The following STK3 variants were observed in gnomAD, a reference collection of about 807,000 sequenced individuals.
The protein encoded by STK3 is serine/threonine kinase 3.
In STK3, 41 loss-of-function variants were observed where a neutral mutation model predicts 58.0. The ratio of observed to expected loss-of-function variants is 0.71; its 90% confidence interval spans 0.55 to 0.92. The LOEUF (loss-of-function observed/expected upper bound fraction) is 0.92. Among genes scored for constraint, STK3 ranks in the 40% least tolerant of loss-of-function variants. STK3 has a pLI of 0.00. For missense variants in STK3, 479 were observed against 602.7 expected (o/e 0.79, Z 2.15); for synonymous variants, 170 against 191.0 (o/e 0.89, Z 0.91).
intron 3 of STK3, among the ~76,000 whole-genome samples, chr8:98,419,056 CT>C (rs1445877704): frequency 2.0e-5 from 3 of 152,242 alleles, no homozygotes; most frequent in African/African-American, 4.8e-5. Flanking sequence ...AGTCTGGCTT[CT>C]GGCCCCAGGA....
chr8:98,485,175 A>AGGTTGCAGT (rs1822151838), intron 10 of STK3, among the ~76,000 whole-genome samples: 1 of 152,048 alleles, frequency 6.6e-6, no homozygotes, highest in Admixed American at 6.6e-5. Flanking sequence ...CAGGAGGCAG[A>AGGTTGCAGT]GGTTGCAGTG....
exon 2 of STK3, chr8:98,379,204 G>C (rs1191371484): frequency 6.6e-6 from 1 of 152,154 alleles, no homozygotes; most frequent in Non-Finnish European, 1.5e-5. Context: ...TGGCTGAAAA[G>C]CTCCTGCAAG....
intron 10 of STK3, among the ~76,000 whole-genome samples, chr8:98,497,560 G>C (rs1036789092): frequency 2.2e-4 from 33 of 152,170 alleles, no homozygotes; most frequent in African/African-American, 7.5e-4. Context: ...TAAGGAACTT[G>C]TATGTAGAGT....
rs186744004 is a variant in STK3, at chr8:98,457,960, C to T, written c.1318-1960G>A. 3.5e-4 allele frequency among the ~76,000 whole-genome samples: 53 copies of T among 152,092 alleles called. 1 individual carries two copies. Among genetic ancestry groups the T allele is most frequent in the Admixed American group, 1.6e-3 (25 of 15,292 alleles). On this transcript the variant is annotated intron_variant, in intron 10 of 10. Transcript: ENST00000419617. ...TTAACAGATTTTTATATTATCAATG[C>T]GTAAAATTTGTGAAAAACAGGTCTG...
At chr8:98,588,324 T>G (rs1265313047) in intron 7 of STK3, among the ~76,000 whole-genome samples, 2 of 152,002 alleles carry the variant, frequency 1.3e-5, no homozygotes, top group Admixed American at 6.5e-5. Context: ...CATTTGCTTG[T>G]CTGTAAAGGA....
intron 1 of STK3, among the ~76,000 whole-genome samples, chr8:98,813,444 G>A (rs1370087978): frequency 6.6e-6 from 1 of 152,136 alleles, no homozygotes; most frequent in East Asian, 1.9e-4. Context: ...ATAAAGACCT[G>A]AAACCACCTA....
At chr8:98,702,271 A>T (rs1025339505) in intron 6 of STK3, among the ~76,000 whole-genome samples, 1 of 152,222 alleles carries the variant, frequency 6.6e-6, no homozygotes, top group African/African-American at 2.4e-5. Flanking sequence ...TCAATCTCTG[A>T]CAAACTGATA....
At chr8:98,715,577 A>G (rs1220558905) in intron 4 of STK3, among the ~76,000 whole-genome samples, 3 of 152,204 alleles carry the variant, frequency 2.0e-5, no homozygotes, top group Non-Finnish European at 2.9e-5. Context: ...CAAAACCACA[A>G]TGAGATACCA....
downstream of STK3, among the ~76,000 whole-genome samples, chr8:98,400,764 T>G (rs1034910860): frequency 2.7e-5 from 4 of 149,250 alleles, no homozygotes; most frequent in African/African-American, 9.7e-5. Context: ...TCAGTTAATA[T>G]TTTGTCTTTT....
intron 7 of STK3, among the ~76,000 whole-genome samples, chr8:98,593,993 C>A (rs1243617210): frequency 6.6e-6 from 1 of 151,852 alleles, no homozygotes; most frequent in Non-Finnish European, 1.5e-5. Flanking sequence ...AAGGTAGTAC[C>A]CTTTGGACTA....
intron 10 of STK3, among the ~76,000 whole-genome samples, chr8:98,497,320 G>A (rs1197538995): frequency 2.0e-5 from 3 of 152,044 alleles, no homozygotes; most frequent in African/African-American, 7.2e-5. Flanking sequence ...AGACCTATAT[G>A]TAACAGCTAA....
chr8:98,502,443 T>C (rs954253857), intron 10 of STK3, among the ~76,000 whole-genome samples: 1 of 152,184 alleles, frequency 6.6e-6, no homozygotes, highest in Non-Finnish European at 1.5e-5. Context: ...CAACACTATG[T>C]TGAATAGGAG....
intron 10 of STK3, among the ~76,000 whole-genome samples, chr8:98,500,061 T>G (rs183725054): frequency 1.2e-3 from 183 of 152,206 alleles, no homozygotes; most frequent in Middle Eastern, 3.4e-3. Context: ...CTTAAGCATC[T>G]TGAGATATGG....
At chr8:98,561,176 TA>T (rs1275844630) in intron 8 of STK3, among the ~76,000 whole-genome samples, 1 of 150,198 alleles carries the variant, frequency 6.7e-6, no homozygotes, top group Non-Finnish European at 1.5e-5. Context: ...TGAAACAGAA[TA>T]AAGAGCTCAG....
At chr8:98,539,167 T>C (rs1484310567) in intron 9 of STK3, among the ~76,000 whole-genome samples, 1 of 152,226 alleles carries the variant, frequency 6.6e-6, no homozygotes. Flanking sequence ...CTTAGTGATT[T>C]ACTCCTTTGG....
At chr8:98,931,551 GGTAAA>G (rs1840004807) in intron 1 of STK3, among the ~76,000 whole-genome samples, 1 of 152,132 alleles carries the variant, frequency 6.6e-6, no homozygotes, top group Admixed American at 6.5e-5. Context: ...TGTGGTCAGT[GGTAAA>G]CCCAGATACC....
intron 8 of STK3, among the ~76,000 whole-genome samples, chr8:98,579,106 G>A (rs915526419): frequency 5.9e-5 from 9 of 151,950 alleles, no homozygotes; most frequent in Admixed American, 1.3e-4. Flanking sequence ...AGCCAAGATC[G>A]TGCCACTGTA....
At chr8:98,636,152 C>T (rs1401330971) in intron 6 of STK3, among the ~76,000 whole-genome samples, 1 of 152,036 alleles carries the variant, frequency 6.6e-6, no homozygotes, top group African/African-American at 2.4e-5. Flanking sequence ...CTCATTCAAT[C>T]CTCATAACAA....
At chr8:98,395,082 C>G (rs1364768244) in intron 3 of STK3, among the ~76,000 whole-genome samples, 1 of 151,642 alleles carries the variant, frequency 6.6e-6, no homozygotes, top group African/African-American at 2.4e-5. Context: ...TGAAGTGAAG[C>G]TGCCTTAGAA....
Sources: gnomAD v4.1 joint callset for allele counts (sites outside exome capture counted in the v4.1 genomes callset) on GRCh38, gnomAD v4.1.1 for gene constraint, MANE v1.5 for transcripts, NCBI Gene and HGNC (gene_info 2026-07-23, HGNC 2026-07-21) for gene names.